The following PAQR8 variants were observed in gnomAD, a reference collection of about 807,000 sequenced individuals.
PAQR8 encodes the protein membrane progestin receptor beta.
In PAQR8, 17 loss-of-function variants were observed where a neutral mutation model predicts 25.2. The observed-to-expected ratio is 0.67, with a 90% CI of 0.46 to 1.01. PAQR8 has a LOEUF of 1.01. Ranked by LOEUF, PAQR8 falls within the 50% of genes least tolerant of loss-of-function variation. The pLI, the probability that PAQR8 is intolerant of heterozygous loss-of-function variation, is 0.00. For missense variants in PAQR8, 392 were observed against 448.4 expected (o/e 0.87, Z 1.14); for synonymous variants, 204 against 190.6 (o/e 1.07, Z -0.58).
chr6:52,386,164 A>G lies in PAQR8; in HGVS notation c.-52-16998A>G, dbSNP rs187968262. 6.0e-5 allele frequency among the ~76,000 whole-genome samples: 8 copies of G among 132,844 alleles called. No homozygotes were observed. The East Asian group carries it at 1.6e-3, about 27-fold the overall frequency. 87.2% of individuals were successfully genotyped at this position (132,844 alleles called of 152,430 possible). A position where few individuals can be genotyped will look rare whatever the true frequency, so the allele number is the denominator to read the frequency against. On this transcript the variant is annotated intron_variant, in intron 1 of 1. Coordinates refer to ENST00000442253, the MANE Select transcript of PAQR8 (RefSeq NM_133367.5). ...AACCAGATACTATCTCACACCAGTC[A>G]GAATGGCTATTATTTAAATTAAAAA...
Position 52,406,845 on chromosome 6 carries a change from T to G in PAQR8, c.*2567T>G. On this transcript the variant is annotated 3_prime_UTR_variant, in exon 2 of 2. Coordinates refer to ENST00000442253, the MANE Select transcript of PAQR8 (RefSeq NM_133367.5). ...CCCAAAGTGTTGGGATTACAGACAT[T>G]AGCCATCACGCCTGCCCTAGAAACA... 2 of 308,464 alleles carry G rather than the reference T, an allele frequency of 6.5e-6. No individual in the cohort carries two copies. Among genetic ancestry groups the G allele is most frequent in the East Asian group, 5.6e-5 (1 of 17,848 alleles). 19.1% of individuals were successfully genotyped at this position (308,464 alleles called of 1,614,324 possible). A position where few individuals can be genotyped will look rare whatever the true frequency, so the allele number is the denominator to read the frequency against.
intron 1 of PAQR8, among the ~76,000 whole-genome samples, chr6:52,399,964 C>T (rs1159545455): frequency 6.6e-6 from 1 of 152,176 alleles, no homozygotes; most frequent in Admixed American, 6.5e-5. Flanking sequence ...CTAAGGCACT[C>T]GGATCCCTCT....
intron 1 of PAQR8, among the ~76,000 whole-genome samples, chr6:52,397,910 C>T (rs187801242): frequency 2.6e-5 from 4 of 152,242 alleles, no homozygotes; most frequent in East Asian, 1.9e-4. Flanking sequence ...TCCTCCAAAA[C>T]GGGCTCAAAT....
chr6:52,372,246 A>G (rs1763428034), intron 1 of PAQR8, among the ~76,000 whole-genome samples: 1 of 152,250 alleles, frequency 6.6e-6, no homozygotes, highest in Non-Finnish European at 1.5e-5. Flanking sequence ...TACCAGCTCA[A>G]CTAAAGCTGA....
intron 1 of PAQR8, among the ~76,000 whole-genome samples, chr6:52,371,460 G>A (rs1763418348): frequency 6.6e-6 from 1 of 152,086 alleles, no homozygotes; most frequent in Non-Finnish European, 1.5e-5. Flanking sequence ...TACAGAAGAA[G>A]CATGAATTGC....
intron 1 of PAQR8, among the ~76,000 whole-genome samples, chr6:52,396,736 T>A (rs1269321052): frequency 6.6e-6 from 1 of 152,132 alleles, no homozygotes; most frequent in African/African-American, 2.4e-5. Flanking sequence ...GCAAATGGCT[T>A]CCAGAAATGT....
chr6:52,402,631 AAAAAGAAAG>A (rs1466849782), intron 1 of PAQR8, among the ~76,000 whole-genome samples: 2 of 139,890 alleles, frequency 1.4e-5, no homozygotes, highest in Admixed American at 7.0e-5. Context: ...AAAAAAAAAA[AAAAAGAAAG>A]AAAGAAAAAA....
chr6:52,397,095 G>T (rs965727003), intron 1 of PAQR8, among the ~76,000 whole-genome samples: 1 of 152,166 alleles, frequency 6.6e-6, no homozygotes, highest in Non-Finnish European at 1.5e-5. Context: ...CTTAAGCCAA[G>T]AGAGGAGGCA....
chr6:52,364,410 T>A (rs1763328570), intron 1 of PAQR8, among the ~76,000 whole-genome samples: 1 of 152,218 alleles, frequency 6.6e-6, no homozygotes. Context: ...AGCAGTGTAC[T>A]TATTCACTTG....
At chr6:52,402,636 G>A (rs80084911) in intron 1 of PAQR8, among the ~76,000 whole-genome samples, 57 of 92,144 alleles carry the variant, frequency 6.2e-4, no homozygotes, top group African/African-American at 1.9e-3. Context: ...AAAAAAAAAA[G>A]AAAGAAAGAA....
At chr6:52,393,029 C>A (rs1417616323) in intron 1 of PAQR8, among the ~76,000 whole-genome samples, 1 of 152,150 alleles carries the variant, frequency 6.6e-6, no homozygotes, top group African/African-American at 2.4e-5. Context: ...AGTTGTATAT[C>A]AAAAAATATT....
At chr6:52,398,156 C>A (rs1173527648) in intron 1 of PAQR8, among the ~76,000 whole-genome samples, 1 of 151,740 alleles carries the variant, frequency 6.6e-6, no homozygotes, top group Non-Finnish European at 1.5e-5. Context: ...AGAAAACAAC[C>A]CAAACCCTCT....
chr6:52,402,421 C>A (rs962072388), intron 1 of PAQR8, among the ~76,000 whole-genome samples: 27 of 151,316 alleles, frequency 1.8e-4, no homozygotes, highest in African/African-American at 6.6e-4. Context: ...CGTTCCAGAC[C>A]AGCCTGACCA....
rs1187250327 is a variant in PAQR8, at chr6:52,404,408, A to G, written c.*130A>G. On this transcript the variant is annotated 3_prime_UTR_variant, in exon 2 of 2. Coordinates refer to ENST00000442253, the MANE Select transcript of PAQR8 (RefSeq NM_133367.5). ...ATATCCAAGGATATGTTATAGCTGC[A>G]GTGTTTGAAAGCCAAAGGATTTAAG... 4 of 890,282 alleles carry G rather than the reference A, an allele frequency of 4.5e-6. No homozygotes were observed. The African/African-American group carries it at 5.1e-5, about 11-fold the overall frequency. The allele number at this position is 890,282 out of a possible 1,614,324, so 55.1% of individuals were successfully genotyped here.
In PAQR8 at chr6:52,403,996, C is replaced by T; in HGVS notation, c.783C>T (p.Phe261=). The T allele has an allele frequency of 6.2e-7, 1 of 1,614,232 alleles. No individual in the cohort carries two copies. Among genetic ancestry groups the T allele is most frequent in the Non-Finnish European group, 8.5e-7 (1 of 1,180,044 alleles). Residue 261 remains phenylalanine (F), a synonymous_variant, in exon 2 of 2, where the codon TTC becomes TTT. Transcript: ENST00000442253. ...TCTTCTTCCTGGTTAGCGCTTATTT[C>T]TTCTCCTGCCCCGTGCCTGAGAAGT... The part of the protein sequence containing the change: ...QILFFLVSAY[F]FSCPVPEKYF...
intron 1 of PAQR8, among the ~76,000 whole-genome samples, chr6:52,372,238 C>T (rs1003763078): frequency 1.3e-5 from 2 of 152,180 alleles, no homozygotes; most frequent in African/African-American, 4.8e-5. Context: ...GGAGCCACTA[C>T]CAGCTCAACT....
At chr6:52,394,985 G>A (rs542358017) in intron 1 of PAQR8, among the ~76,000 whole-genome samples, 3 of 151,824 alleles carry the variant, frequency 2.0e-5, no homozygotes, top group Admixed American at 2.0e-4. Context: ...ATTAGATCCC[G>A]GCCGGGCACA....
intron 1 of PAQR8, among the ~76,000 whole-genome samples, chr6:52,398,202 TTC>T (rs1383011162): frequency 6.4e-5 from 4 of 62,936 alleles, no homozygotes; most frequent in East Asian, 1.2e-3. Flanking sequence ...CTTTTCTTTT[TTC>T]TTTTTTTTTT....
intron 1 of PAQR8, among the ~76,000 whole-genome samples, chr6:52,363,212 A>G (rs766513831): frequency 6.6e-6 from 1 of 151,974 alleles, no homozygotes; most frequent in Non-Finnish European, 1.5e-5. Flanking sequence ...CGGTGCGGGG[A>G]CCTGGAGGTA....
Sources: allele counts gnomAD v4.1 joint callset (sites outside exome capture counted in the v4.1 genomes callset), GRCh38; gene constraint gnomAD v4.1.1; transcripts MANE v1.5; gene names NCBI Gene and HGNC (gene_info 2026-07-23, HGNC 2026-07-21).